Variants in PARN observed in about 807,000 individuals in gnomAD.
The protein encoded by PARN is poly(A)-specific ribonuclease PARN.
In PARN, 71 loss-of-function variants were observed where a neutral mutation model predicts 102.8. That is an observed-to-expected ratio of 0.69 (90% confidence interval 0.57 to 0.84). The LOEUF (loss-of-function observed/expected upper bound fraction) is 0.84. Ranked by LOEUF, PARN falls within the 40% of genes least tolerant of loss-of-function variation. The pLI is 0.00. For missense variants in PARN, 782 were observed against 760.9 expected (o/e 1.03, Z -0.33); for synonymous variants, 261 against 252.9 (o/e 1.03, Z -0.30).
At chr16:14,576,852 T>A (rs375443197) in intron 18 of PARN, among the ~76,000 whole-genome samples, 1 of 152,196 alleles carries the variant, frequency 6.6e-6, no homozygotes, top group African/African-American at 2.4e-5. Flanking sequence ...AAAACCCTTA[T>A]GGGACATTCT....
intron 21 of PARN, among the ~76,000 whole-genome samples, chr16:14,532,195 A>T (rs867985322): frequency 0.22 from 27,386 of 126,474 alleles, 2,706 homozygotes; most frequent in Middle Eastern, 0.31. Flanking sequence ...TTTTTTTTTT[A>T]ATTGTTCATT....
At chr16:14,579,678 A>C (rs1023269106) in intron 18 of PARN, among the ~76,000 whole-genome samples, 3 of 152,196 alleles carry the variant, frequency 2.0e-5, no homozygotes, top group African/African-American at 7.2e-5. Flanking sequence ...AACAATCATA[A>C]TTGGACCTAT....
At chr16:14,615,893 T>G (rs1440623473) in intron 6 of PARN, among the ~76,000 whole-genome samples, 1 of 149,590 alleles carries the variant, frequency 6.7e-6, no homozygotes, top group Admixed American at 6.6e-5. Context: ...ACAGTGAGAT[T>G]CTGTCTCAAA....
At chr16:14,576,736 T>G (rs1969167635) in intron 18 of PARN, among the ~76,000 whole-genome samples, 1 of 152,252 alleles carries the variant, frequency 6.6e-6, no homozygotes, top group Admixed American at 6.5e-5. Flanking sequence ...GGCGTGATCC[T>G]GATTTCCATG....
At chr16:14,508,680 C>T (rs1249591868) in intron 21 of PARN, among the ~76,000 whole-genome samples, 1 of 150,988 alleles carries the variant, frequency 6.6e-6, no homozygotes, top group Non-Finnish European at 1.5e-5. Context: ...ACATTGTAGG[C>T]TGACAATTTC....
intron 18 of PARN, among the ~76,000 whole-genome samples, chr16:14,574,772 T>C (rs1178650491): frequency 6.6e-6 from 1 of 152,076 alleles, no homozygotes; most frequent in Non-Finnish European, 1.5e-5. Flanking sequence ...TGCAGAAATT[T>C]GCGTAAGTAA....
rs749835798 is a variant in PARN, at chr16:14,627,097, G to C, written c.327+9C>G. On this transcript the variant is annotated intron_variant, in intron 5 of 23. Transcript: ENST00000437198. The stretch of plus-strand genomic sequence containing the variant: ...TTCAGAAAAGAAAAATCTCAATTAT[G>C]CTACTTACCTGACAAACAAATTTGA... The C allele has an allele frequency of 2.0e-6, 3 of 1,509,722 alleles. No homozygotes were observed. The highest frequency in any genetic ancestry group is 3.4e-5 in the Admixed American group (2 of 58,202). 93.5% of individuals were successfully genotyped at this position (1,509,722 alleles called of 1,614,324 possible).
chr16:14,464,548 G>A (rs1257801513), intron 22 of PARN, among the ~76,000 whole-genome samples: 2 of 152,080 alleles, frequency 1.3e-5, no homozygotes, highest in African/African-American at 4.8e-5. Context: ...CTGAGGTAAG[G>A]AGTTCAAGAC....
At chr16:14,604,333 T>G (rs1211955802) in intron 10 of PARN, 107 bp from the exon 11 acceptor site, 1 of 686,714 alleles carries the variant, frequency 1.5e-6, no homozygotes, top group Non-Finnish European at 2.5e-6. Context: ...TGATCTCAGC[T>G]CACTGCAAAC....
At chr16:14,609,681 T>C (rs756962781) in intron 7 of PARN, among the ~76,000 whole-genome samples, 1 of 152,200 alleles carries the variant, frequency 6.6e-6, no homozygotes, top group African/African-American at 2.4e-5. Context: ...TCAATACAAG[T>C]GATTTAATTT....
In PARN at chr16:14,630,140, G is replaced by A. The variant is rs1212862277; in HGVS notation, c.-15C>T. The A allele has an allele frequency of 6.4e-7, 1 of 1,557,702 alleles. No homozygotes were observed. The highest frequency in any genetic ancestry group is 1.4e-5 in the African/African-American group (1 of 73,596). ...ATTATCTCCATTCTGCAGAGTGGCC[G>A]GAACCTTGGCCCCACCCGGGCCCGC... On this transcript the variant is annotated 5_prime_UTR_variant, in exon 1 of 24. Transcript: ENST00000437198.
At chr16:14,587,373 T>A (rs1182392522) in intron 13 of PARN, among the ~76,000 whole-genome samples, 4 of 152,246 alleles carry the variant, frequency 2.6e-5, no homozygotes, top group Admixed American at 6.5e-5. Flanking sequence ...TAGACCAATG[T>A]CTTCTAAAAG....
chr16:14,589,571 GA>G (rs377302790), intron 13 of PARN, among the ~76,000 whole-genome samples: 2,366 of 135,786 alleles, frequency 0.017, 17 homozygotes, highest in Non-Finnish European at 0.022. Context: ...TCTCAAAAAA[GA>G]AAAAAAAAAA....
chr16:14,497,950 C>T (rs144715977), intron 21 of PARN, among the ~76,000 whole-genome samples: 1 of 151,786 alleles, frequency 6.6e-6, no homozygotes, highest in Non-Finnish European at 1.5e-5. Flanking sequence ...ATGATGAAAC[C>T]CTGTTTCTAC....
At chr16:14,607,003 G>A (rs557774014) in intron 9 of PARN, among the ~76,000 whole-genome samples, 3 of 151,958 alleles carry the variant, frequency 2.0e-5, no homozygotes, top group Non-Finnish European at 4.4e-5. Context: ...GGATGGTCTC[G>A]ATGTCCTGAC....
At chr16:14,629,762 C>A (rs1972915982) in intron 1 of PARN, 88 bp from the exon 2 acceptor site, 4 of 1,003,212 alleles carry the variant, frequency 4.0e-6, no homozygotes, top group Non-Finnish European at 6.4e-6. Context: ...GCTCCCGAGG[C>A]TGAGAGCCGG....
chr16:14,598,882 G>A (rs542064540), intron 12 of PARN, among the ~76,000 whole-genome samples: 2 of 152,160 alleles, frequency 1.3e-5, no homozygotes, highest in East Asian at 3.9e-4. Flanking sequence ...AGCATCTAAG[G>A]TATAAGATGA....
At position 14,602,604 on chromosome 16, in the gene PARN, G is replaced by A. The variant is rs532864753; in HGVS notation, c.783+1542C>T. Among the ~76,000 whole-genome samples the A allele has an allele frequency of 1.1e-4, 16 of 152,232 alleles. 1 individual carries two copies. The East Asian group carries it at 1.7e-3, about 17-fold the overall frequency. On this transcript the variant is annotated intron_variant, in intron 11 of 23. Transcript: ENST00000437198. The stretch of plus-strand genomic sequence containing the variant: ...CTGGTGGCCTTGCATGTATCAAAAC[G>A]GGCCATGCAGGTAAAGGCTAATCTG...
At chr16:14,605,636 A>G (rs1317113703) in intron 10 of PARN, among the ~76,000 whole-genome samples, 2 of 152,206 alleles carry the variant, frequency 1.3e-5, no homozygotes, top group Non-Finnish European at 2.9e-5. Context: ...TAAATTATCT[A>G]CCAAGATTAT....
Sources: gnomAD v4.1 joint callset for allele counts (sites outside exome capture counted in the v4.1 genomes callset) on GRCh38, gnomAD v4.1.1 for gene constraint, MANE v1.5 for transcripts, NCBI Gene and HGNC (gene_info 2026-07-23, HGNC 2026-07-21) for gene names.